Variants in PHKB observed in about 807,000 individuals in gnomAD.
The protein encoded by PHKB is phosphorylase kinase regulatory subunit beta, also known as phosphorylase b kinase regulatory subunit beta.
In PHKB, 122 loss-of-function variants were observed where a neutral mutation model predicts 152.1. The observed-to-expected ratio is 0.80, with a 90% CI of 0.69 to 0.93. The LOEUF (loss-of-function observed/expected upper bound fraction) is 0.93. Ranked by LOEUF, PHKB falls within the 40% of genes least tolerant of loss-of-function variation. PHKB has a pLI of 0.00. For synonymous variants in PHKB, 436 were observed against 464.9 expected, an observed-to-expected ratio of 0.94 and a Z score of 0.80; for missense variants, 1,304 against 1,328.4, an observed-to-expected ratio of 0.98 and a Z score of 0.29.
chr16:47,544,599 T>C (rs1971124913), intron 6 of PHKB, among the ~76,000 whole-genome samples: 1 of 152,258 alleles, frequency 6.6e-6, no homozygotes, highest in Non-Finnish European at 1.5e-5. Context: ...AGATGTCTAT[T>C]ACATGCAATT....
In PHKB at chr16:47,698,601, CTTTTTTT is replaced by C. The variant is rs5816579; in HGVS notation, c.3144+28_3144+34del. The C allele has an allele frequency of 1.4e-6, 1 of 730,276 alleles. No individual in the cohort carries two copies. The highest frequency in any genetic ancestry group is 1.8e-6 in the Non-Finnish European group (1 of 550,878). 45.2% of individuals were successfully genotyped at this position (730,276 alleles called of 1,614,324 possible). ...AATTGAAAAACAAGTAAGTACACAG[CTTTTTTT>C]TTTTTTTTTTTTTTGAGAATTTTTT... On this transcript the variant is annotated intron_variant, in intron 30 of 30. Transcript: ENST00000323584.
At chr16:47,538,895 T>C (rs1971001533) in intron 6 of PHKB, among the ~76,000 whole-genome samples, 1 of 152,232 alleles carries the variant, frequency 6.6e-6, no homozygotes, top group African/African-American at 2.4e-5. Flanking sequence ...CTTAAAAGTA[T>C]ATACATTATA....
At chr16:47,608,747 G>T (rs1288293319) in intron 13 of PHKB, among the ~76,000 whole-genome samples, 2 of 152,110 alleles carry the variant, frequency 1.3e-5, no homozygotes, top group Non-Finnish European at 2.9e-5. Flanking sequence ...GAATTGTTTT[G>T]GCACCCTGTC....
At chr16:47,610,352 G>T (rs928835258) in intron 13 of PHKB, among the ~76,000 whole-genome samples, 1 of 151,558 alleles carries the variant, frequency 6.6e-6, no homozygotes, top group Non-Finnish European at 1.5e-5. Context: ...TTATTGATTT[G>T]AGATTTTTCT....
In PHKB at chr16:47,521,313, T is replaced by C. The variant is rs568893921; in HGVS notation, c.594+5712T>C. The stretch of plus-strand genomic sequence containing the variant: ...TAAGGGCTGCGAGTGGACATCCTTG[T>C]CTTGTTCCTGATTTTAGGGCAAAAC... On this transcript the variant is annotated intron_variant, in intron 6 of 30. Coordinates refer to ENST00000323584, the MANE Select transcript of PHKB (RefSeq NM_000293.3). Among the ~76,000 whole-genome samples, 6 of 152,304 alleles carry C rather than the reference T, an allele frequency of 3.9e-5. No individual in the cohort carries two copies. The East Asian group carries it at 1.2e-3, about 29-fold the overall frequency.
At chr16:47,681,196 A>G (rs986322137) in intron 26 of PHKB, among the ~76,000 whole-genome samples, 2 of 151,976 alleles carry the variant, frequency 1.3e-5, no homozygotes, top group African/African-American at 2.4e-5. Context: ...CCAACTATGT[A>G]GTCAGTTTTG....
Position 47,699,484 on chromosome 16 carries a change from GC to G in PHKB, c.*120del. ...AACTGAGCATGCTGGGGAGGTGAAT[GC>G]CACATCCTTGGCGGGGTTATGGACC... On this transcript the variant is annotated 3_prime_UTR_variant, in exon 31 of 31. Transcript: ENST00000323584. The G allele has an allele frequency of 8.7e-7, 1 of 1,149,634 alleles. No individual in the cohort carries two copies. Among genetic ancestry groups the G allele is most frequent in the Non-Finnish European group, 1.3e-6 (1 of 757,692 alleles). The allele number at this position is 1,149,634 out of a possible 1,614,324, so 71.2% of individuals were successfully genotyped here.
intron 8 of PHKB, among the ~76,000 whole-genome samples, chr16:47,582,594 G>A (rs527805038): frequency 6.6e-6 from 1 of 152,218 alleles, no homozygotes; most frequent in African/African-American, 2.4e-5. Flanking sequence ...TGTAGGGGGA[G>A]GCCTTGGCAT....
chr16:47,629,037 G>T (rs1972769416), intron 14 of PHKB, among the ~76,000 whole-genome samples: 1 of 152,176 alleles, frequency 6.6e-6, no homozygotes, highest in Non-Finnish European at 1.5e-5. Flanking sequence ...ATGGATTAAA[G>T]ACTTAAATGT....
At chr16:47,589,290 G>T (rs1971988232) in intron 10 of PHKB, among the ~76,000 whole-genome samples, 188 bp downstream of exon 10, 1 of 152,124 alleles carries the variant, frequency 6.6e-6, no homozygotes, top group Non-Finnish European at 1.5e-5. Flanking sequence ...ATATCATGAG[G>T]TTCTTATGAC....
chr16:47,679,629 G>C (rs1412649599), intron 26 of PHKB, among the ~76,000 whole-genome samples: 2 of 152,176 alleles, frequency 1.3e-5, no homozygotes, highest in Non-Finnish European at 2.9e-5. Flanking sequence ...TGTATCCTCA[G>C]ACTTTGCTGA....
chr16:47,676,630 T>G (rs1276629376), intron 26 of PHKB, among the ~76,000 whole-genome samples: 2 of 152,200 alleles, frequency 1.3e-5, no homozygotes, highest in Non-Finnish European at 2.9e-5. Flanking sequence ...AATAGCACCA[T>G]GTTTCTTTTC....
intron 14 of PHKB, among the ~76,000 whole-genome samples, chr16:47,616,183 C>CA (rs1972510926): frequency 6.6e-6 from 1 of 151,984 alleles, no homozygotes; most frequent in Non-Finnish European, 1.5e-5. Flanking sequence ...GAAGAAGCCT[C>CA]ATTTATCTAT....
chr16:47,700,564 C>A lies in PHKB; in HGVS notation c.*1198C>A, dbSNP rs1974231599. On this transcript the variant is annotated 3_prime_UTR_variant, in exon 31 of 31. Transcript: ENST00000323584. Reference sequence around the variant, plus strand: ...ATTTAGAGGTAGAATGGAAGAGAATCTGTGGTACCTACCATTATACACATT... The same window carrying A: ...ATTTAGAGGTAGAATGGAAGAGAATATGTGGTACCTACCATTATACACATT... 6.6e-6 allele frequency: 1 copy of A among 151,862 alleles called. No individual in the cohort carries two copies. The highest frequency in any genetic ancestry group is 2.4e-5 in the African/African-American group (1 of 41,330). The allele number at this position is 151,862 out of a possible 1,614,324, so 9.4% of individuals were successfully genotyped here. A position where few individuals can be genotyped will look rare whatever the true frequency, so the allele number is the denominator to read the frequency against.
rs138054313 is a variant in PHKB at position 47,606,892 on chromosome 16, T to C, written c.1364-3934T>C. ...CACTGCCTCTCACTCTAAATTTCCATCCTCGTTATACCCTAGGATTTTATC... is the reference window on the plus strand; with the variant it reads ...CACTGCCTCTCACTCTAAATTTCCACCCTCGTTATACCCTAGGATTTTATC... On this transcript the variant is annotated intron_variant, in intron 13 of 30. Coordinates refer to ENST00000323584, the MANE Select transcript of PHKB (RefSeq NM_000293.3). Among the ~76,000 whole-genome samples the C allele has an allele frequency of 4.2e-3, 636 of 152,206 alleles. 6 individuals carry two copies. The highest frequency in any genetic ancestry group is 0.015 in the African/African-American group (606 of 41,536).
chr16:47,638,410 T>G (rs1354473732), intron 14 of PHKB, among the ~76,000 whole-genome samples: 1 of 152,212 alleles, frequency 6.6e-6, no homozygotes, highest in Admixed American at 6.5e-5. Context: ...TGTTTTTGTG[T>G]GAAATACTGT....
intron 14 of PHKB, among the ~76,000 whole-genome samples, chr16:47,614,293 C>T (rs1201713360): frequency 6.6e-6 from 1 of 152,166 alleles, no homozygotes; most frequent in Non-Finnish European, 1.5e-5. Context: ...TCCCACCAGT[C>T]CCTACCTTCA....
chr16:47,626,083 C>T (rs1442170812), intron 14 of PHKB, among the ~76,000 whole-genome samples: 1 of 152,238 alleles, frequency 6.6e-6, no homozygotes, highest in Non-Finnish European at 1.5e-5. Flanking sequence ...ACTCAGCAAA[C>T]TCTCAAGGGT....
At chr16:47,632,616 G>T (rs1972846432) in intron 14 of PHKB, among the ~76,000 whole-genome samples, 2 of 152,098 alleles carry the variant, frequency 1.3e-5, no homozygotes. Context: ...GGGGATGAAG[G>T]CCCCAAATGG....
Sources: gnomAD v4.1 joint callset for allele counts (sites outside exome capture counted in the v4.1 genomes callset) on GRCh38, gnomAD v4.1.1 for gene constraint, MANE v1.5 for transcripts, NCBI Gene and HGNC (gene_info 2026-07-23, HGNC 2026-07-21) for gene names.